Variants in SCLT1 observed in about 807,000 individuals in gnomAD.
The protein encoded by SCLT1 is sodium channel and clathrin linker 1.
Under a neutral mutation model 112.8 loss-of-function variants are expected in SCLT1, and 78 were observed. The ratio of observed to expected loss-of-function variants is 0.69; its 90% CI spans 0.58 to 0.83. The LOEUF (loss-of-function observed/expected upper bound fraction) is 0.83. Among genes scored for constraint, SCLT1 ranks in the 40% least tolerant of loss-of-function variants. The pLI is 0.00. For missense variants in SCLT1, 747 were observed against 770.4 expected (o/e 0.97, Z 0.36); for synonymous variants, 257 against 254.7 (o/e 1.01, Z -0.09).
At chr4:129,004,577 A>T (rs1372428593) in intron 5 of SCLT1, among the ~76,000 whole-genome samples, 3 of 152,104 alleles carry the variant, frequency 2.0e-5, no homozygotes, top group African/African-American at 7.2e-5. Context: ...AAGAGAAAAA[A>T]AGTACATTTT....
intron 13 of SCLT1, among the ~76,000 whole-genome samples, chr4:128,954,341 C>T (rs1317710840): frequency 5.3e-5 from 7 of 131,824 alleles, no homozygotes; most frequent in South Asian, 2.4e-4. Flanking sequence ...TTTTTTGAGA[C>T]AGAGTCTCGC....
At chr4:128,994,681 CTTT>C (rs1560939732) in intron 8 of SCLT1, among the ~76,000 whole-genome samples, 1 of 152,046 alleles carries the variant, frequency 6.6e-6, no homozygotes, top group African/African-American at 2.4e-5. Flanking sequence ...CACGTGTTGT[CTTT>C]TTTGTTTTGA....
intron 5 of SCLT1, among the ~76,000 whole-genome samples, chr4:129,033,885 T>G (rs1277188201): frequency 6.6e-6 from 1 of 152,168 alleles, no homozygotes; most frequent in Non-Finnish European, 1.5e-5. Context: ...GAAACCAGGT[T>G]AGTTCTGGCT....
intron 2 of SCLT1, among the ~76,000 whole-genome samples, chr4:129,062,388 A>C (rs1750065645): frequency 6.6e-6 from 1 of 152,084 alleles, no homozygotes; most frequent in South Asian, 2.1e-4. Context: ...TGCAGATGTC[A>C]CTTTTTCTCT....
At chr4:128,905,802 T>G (rs1734646119) in intron 18 of SCLT1, among the ~76,000 whole-genome samples, 1 of 95,814 alleles carries the variant, frequency 1.0e-5, no homozygotes. Context: ...TGTCACCTTT[T>G]TAGACTATTT....
chr4:128,919,717 A>G (rs1304642616), intron 18 of SCLT1, among the ~76,000 whole-genome samples: 1 of 149,722 alleles, frequency 6.7e-6, no homozygotes, highest in East Asian at 2.0e-4. Context: ...AGGGGATATT[A>G]CTATTAACCC....
intron 5 of SCLT1, among the ~76,000 whole-genome samples, chr4:129,025,073 T>A (rs1276820207): frequency 6.6e-6 from 1 of 152,204 alleles, no homozygotes; most frequent in Non-Finnish European, 1.5e-5. Context: ...CTACGTCTGA[T>A]TGGTGTACCT....
chr4:128,884,664 A>G, intron 20 of SCLT1, 125 bp from the exon 21 acceptor site: 1 of 651,370 alleles, frequency 1.5e-6, no homozygotes, highest in Non-Finnish European at 2.7e-6. Context: ...GGTTTTGTAA[A>G]TGATCTTTTT....
At chr4:128,956,986 A>C in intron 13 of SCLT1, 40 bp downstream of exon 13, 1 of 1,112,422 alleles carries the variant, frequency 9.0e-7, no homozygotes, top group Non-Finnish European at 1.3e-6. Context: ...TTTAGTTGTG[A>C]CTTAAATTCT....
chr4:128,999,811 A>G lies in SCLT1; in HGVS notation c.427-17T>C. On this transcript the variant is annotated splice_polypyrimidine_tract_variant and intron_variant, in intron 6 of 20. Transcript: ENST00000281142. ...AGTTTTTTCCTATTAAAAAAGTTTG[A>G]TAACTCATTAAATTATCAGCAGGCT... 1.3e-6 allele frequency: 2 copies of G among 1,579,016 alleles called. No individual in the cohort carries two copies. The highest frequency in any genetic ancestry group is 1.7e-6 in the Non-Finnish European group (2 of 1,160,880).
At chr4:129,048,555 G>A (rs904384791) in intron 2 of SCLT1, among the ~76,000 whole-genome samples, 20 of 151,286 alleles carry the variant, frequency 1.3e-4, no homozygotes, top group Non-Finnish European at 1.9e-4. Flanking sequence ...TTACCATTCA[G>A]GACATAGGCA....
At chr4:128,895,755 AG>A (rs1325109735) in intron 18 of SCLT1, among the ~76,000 whole-genome samples, 1 of 152,232 alleles carries the variant, frequency 6.6e-6, no homozygotes, top group Admixed American at 6.5e-5. Context: ...TCACCTGGGA[AG>A]TGCAAGGGGT....
chr4:129,012,989 C>T (rs72924145), intron 5 of SCLT1, among the ~76,000 whole-genome samples: 2,946 of 151,708 alleles, frequency 0.019, 84 homozygotes, highest in African/African-American at 0.061. Context: ...TCTTTTTTTG[C>T]TTTTTAACTT....
intron 4 of SCLT1, chr4:128,876,362 C>A (rs1428063795): frequency 6.6e-6 from 1 of 152,104 alleles, no homozygotes; most frequent in East Asian, 1.9e-4. Context: ...AGTTGAATAA[C>A]CACAATAGTT....
chr4:128,960,674 A>G (rs1400473962), intron 11 of SCLT1, among the ~76,000 whole-genome samples: 1 of 151,658 alleles, frequency 6.6e-6, no homozygotes, highest in Non-Finnish European at 1.5e-5. Context: ...TAATCCCAGC[A>G]CTTTGGGAGG....
chr4:129,035,033 A>G (rs1377640705), intron 5 of SCLT1, among the ~76,000 whole-genome samples: 1 of 152,144 alleles, frequency 6.6e-6, no homozygotes, highest in Admixed American at 6.6e-5. Flanking sequence ...TGTATCTCAA[A>G]GCCTTAAATG....
rs776461088 is a variant in SCLT1, at chr4:129,039,110, A to C, written c.235-14T>G. 1 of 1,581,252 alleles carries C rather than the reference A, an allele frequency of 6.3e-7. No individual in the cohort carries two copies. The highest frequency in any genetic ancestry group is 1.1e-5 in the South Asian group (1 of 90,080). On this transcript the variant is annotated splice_polypyrimidine_tract_variant and intron_variant, in intron 4 of 20. Transcript: ENST00000281142. ...ACCCACCTGTTTCTGAAAGAATAAA[A>C]TATGGTGTGGCAATACATTTTGCAG...
intron 2 of SCLT1, among the ~76,000 whole-genome samples, chr4:129,069,965 G>A (rs1399016588): frequency 6.6e-6 from 1 of 152,098 alleles, no homozygotes; most frequent in South Asian, 2.1e-4. Context: ...AATCCTAAAG[G>A]GGTGCCAGAC....
intron 2 of SCLT1, among the ~76,000 whole-genome samples, chr4:129,077,609 T>C (rs1751574478): frequency 6.6e-6 from 1 of 152,164 alleles, no homozygotes; most frequent in Non-Finnish European, 1.5e-5. Flanking sequence ...AGAACTGTTC[T>C]AGGCATCTGG....
Sources: allele counts gnomAD v4.1 joint callset (sites outside exome capture counted in the v4.1 genomes callset), GRCh38; gene constraint gnomAD v4.1.1; transcripts MANE v1.5; gene names NCBI Gene and HGNC (gene_info 2026-07-23, HGNC 2026-07-21).